GSE1: variants seen among roughly 807,000 people sequenced by gnomAD.
GSE1 encodes genetic suppressor element 1.
Under a neutral mutation model 112.6 loss-of-function variants are expected in GSE1, and 32 were observed. The observed-to-expected ratio is 0.28, with a 90% CI of 0.21 to 0.38. The LOEUF (loss-of-function observed/expected upper bound fraction) is 0.38, where lower values mean the gene tolerates loss of function less well. GSE1 is among the 10% of genes least tolerant of loss of function. The pLI is 1.00. For missense variants in GSE1, 2,348 were observed against 1,699.2 expected (o/e 1.38, Z -6.71); for synonymous variants, 1,115 against 735.6 (o/e 1.52, Z -8.35).
intron 1 of GSE1, among the ~76,000 whole-genome samples, chr16:85,334,606 C>T (rs1424765800): frequency 6.6e-6 from 1 of 152,156 alleles, no homozygotes; most frequent in Admixed American, 6.5e-5. Flanking sequence ...GGACGCTTGG[C>T]GTGGGGTGGG....
In GSE1 at chr16:85,570,594, C is replaced by T. The variant is rs181360957; in HGVS notation, c.37+14231C>T. Among the ~76,000 whole-genome samples the T allele has an allele frequency of 1.9e-3, 287 of 152,328 alleles. 1 individual carries two copies. Among genetic ancestry groups the T allele is most frequent in the Non-Finnish European group, 3.1e-3 (211 of 68,032 alleles). ...GTCACCTCCCAGGTTCTAGGGCTCT[C>T]GGAGAGAGGTGGCCAGCGGGTCAGA... On this transcript the variant is annotated intron_variant, in intron 1 of 2. Transcript: ENST00000635906.
chr16:85,519,718 A>ACCT (rs1456087733), intron 2 of GSE1, among the ~76,000 whole-genome samples: 1 of 140,354 alleles, frequency 7.1e-6, no homozygotes, highest in African/African-American at 2.7e-5. Context: ...CACTGTCATC[A>ACCT]TCATCACCAT....
At chr16:85,192,296 G>A (rs188441470) in intron 1 of GSE1, among the ~76,000 whole-genome samples, 5 of 152,328 alleles carry the variant, frequency 3.3e-5, no homozygotes, top group East Asian at 1.9e-4. Context: ...CTAGCTGTGC[G>A]TTCTTGGGTC....
At chr16:85,671,493 T>C (rs2053337609) in intron 15 of GSE1, among the ~76,000 whole-genome samples, 1 of 148,880 alleles carries the variant, frequency 6.7e-6, no homozygotes, top group South Asian at 2.1e-4. Context: ...GGCTTACACC[T>C]GTAATCCCAG....
At chr16:85,475,293 G>A (rs780682750) in intron 2 of GSE1, among the ~76,000 whole-genome samples, 5 of 152,216 alleles carry the variant, frequency 3.3e-5, no homozygotes, top group African/African-American at 4.8e-5. Context: ...AGACAAGTGC[G>A]TCGCTGAATC....
chr16:85,656,025 C>T, intron 6 of GSE1, 108 bp downstream of exon 6: 9 of 866,044 alleles, frequency 1.0e-5, no homozygotes, highest in Admixed American at 5.2e-5. Context: ...CCATGCCTGT[C>T]CTCACAGTTT....
chr16:85,309,531 C>A (rs146099569), intron 1 of GSE1, among the ~76,000 whole-genome samples: 4 of 139,152 alleles, frequency 2.9e-5, no homozygotes, highest in African/African-American at 9.9e-5. Flanking sequence ...TAAGAAGAAC[C>A]GGGTGAGATT....
intron 2 of GSE1, among the ~76,000 whole-genome samples, chr16:85,392,935 C>CA (rs1401901944): frequency 6.6e-6 from 1 of 152,204 alleles, no homozygotes; most frequent in African/African-American, 2.4e-5. Flanking sequence ...CAAGGGGTCC[C>CA]AATGTGGCTG....
chr16:85,186,309 A>G (rs573640969), intron 1 of GSE1, among the ~76,000 whole-genome samples: 1 of 152,118 alleles, frequency 6.6e-6, no homozygotes, highest in African/African-American at 2.4e-5. Context: ...ATATGTACAA[A>G]TAATTAAAAA....
intron 1 of GSE1, among the ~76,000 whole-genome samples, chr16:85,326,014 T>C (rs549073083): frequency 3.5e-4 from 54 of 152,348 alleles, no homozygotes; most frequent in Admixed American, 1.2e-3. Context: ...CCCAAAGTGC[T>C]GGGATTACAG....
intron 2 of GSE1, among the ~76,000 whole-genome samples, chr16:85,541,311 C>T (rs2044509648): frequency 6.6e-6 from 1 of 152,192 alleles, no homozygotes; most frequent in African/African-American, 2.4e-5. Flanking sequence ...ACAAAGAGTG[C>T]CAGGCCCTAG....
chr16:85,634,180 G>C, intron 2 of GSE1, 48 bp downstream of exon 2: 1 of 1,291,524 alleles, frequency 7.7e-7, no homozygotes, highest in African/African-American at 1.6e-5. Context: ...CGGCTCCCGA[G>C]GCCGGGACTC....
rs148867438 is a variant in GSE1 at position 85,657,457 on chromosome 16, T to C, written c.1493T>C (p.Leu498Pro). 3.3e-5 allele frequency: 53 copies of C among 1,611,584 alleles called. No homozygotes were observed. In the African/African-American group the frequency reaches 6.7e-4, roughly 20 times the overall value. Residue 498 changes from leucine to proline, a missense_variant, in exon 8 of 16, where the codon CTG becomes CCG. Leu to Pro is a moderately conservative substitution (Grantham distance 98). Transcript: ENST00000253458. The part of the protein sequence containing the change: ...IQRTNEEEKW[L>P]ARQRRLRQEK... ...CGCACCAATGAGGAGGAGAAGTGGC[T>C]GGCGCGGCAGCGGCGGCTGCGGCAG...
intron 1 of GSE1, among the ~76,000 whole-genome samples, chr16:85,266,849 C>T (rs1158248280): frequency 6.6e-6 from 1 of 152,144 alleles, no homozygotes; most frequent in Non-Finnish European, 1.5e-5. Context: ...TGGAGCCACA[C>T]AACCAGCTGG....
intron 2 of GSE1, among the ~76,000 whole-genome samples, chr16:85,460,116 C>T (rs1265341744): frequency 6.6e-6 from 1 of 152,238 alleles, no homozygotes; most frequent in African/African-American, 2.4e-5. Context: ...ATGCAATCTC[C>T]TGGCCCACAT....
At chr16:85,209,597 C>T (rs1184946046) in intron 1 of GSE1, among the ~76,000 whole-genome samples, 5 of 152,328 alleles carry the variant, frequency 3.3e-5, no homozygotes, top group African/African-American at 7.2e-5. Flanking sequence ...TCTGCAGCAC[C>T]GGCCTCCCGC....
At position 85,663,551 on chromosome 16, in the gene GSE1, G is replaced by A. The variant is rs868139791; in HGVS notation, c.2581G>A (p.Glu861Lys). Residue 861 changes from glutamate (E) to lysine (K), a missense_variant, in exon 11 of 16, where the codon GAA becomes AAA. By Grantham distance (56) the Glu-to-Lys change is moderately conservative. Coordinates refer to ENST00000253458, the MANE Select transcript of GSE1 (RefSeq NM_014615.5). ...PDEMNNSPNF[E>K]EKKKFLTIFN... Reference sequence around the variant, plus strand: ...TGAGATGAACAACAGTCCCAACTTCGAAGAAAAGAAGAAGTTCCTGACCAT... The same window carrying A: ...TGAGATGAACAACAGTCCCAACTTCAAAGAAAAGAAGAAGTTCCTGACCAT... 3.1e-6 allele frequency: 5 copies of A among 1,613,820 alleles called. 1 individual carries two copies. Among genetic ancestry groups the A allele is most frequent in the Non-Finnish European group, 4.2e-6 (5 of 1,179,994 alleles).
chr16:85,592,350 A>T (rs1224284455), intron 1 of GSE1: 3 of 152,018 alleles, frequency 2.0e-5, no homozygotes, highest in Non-Finnish European at 4.4e-5. Flanking sequence ...GGGTTTCTCC[A>T]TGTTGCCCAA....
intron 2 of GSE1, among the ~76,000 whole-genome samples, chr16:85,370,626 TCCTTCTCTCCCTCCC>T (rs2047276907): frequency 6.7e-6 from 1 of 149,516 alleles, no homozygotes; most frequent in Non-Finnish European, 1.5e-5. Flanking sequence ...TCTCCCTCCC[TCCTTCTCTCCCTCCC>T]TCCTTCTCTC....
Sources: gnomAD v4.1 joint callset for allele counts (sites outside exome capture counted in the v4.1 genomes callset) on GRCh38, gnomAD v4.1.1 for gene constraint, MANE v1.5 for transcripts, NCBI Gene and HGNC (gene_info 2026-07-23, HGNC 2026-07-21) for gene names.